RBFOX3: variants seen among roughly 807,000 people sequenced by gnomAD.
RBFOX3 encodes the protein RNA binding fox-1 homolog 3.
A neutral mutation model predicts 48.7 loss-of-function variants in RBFOX3; 17 were observed. The observed-to-expected ratio is 0.35, with a 90% CI of 0.24 to 0.52. RBFOX3 has a LOEUF of 0.52. RBFOX3 is among the 20% of genes least tolerant of loss of function. RBFOX3 has a pLI of 0.94. For synonymous variants in RBFOX3, 212 were observed against 209.5 expected, an observed-to-expected ratio of 1.01 and a Z score of -0.10; for missense variants, 382 against 497.5, an observed-to-expected ratio of 0.77 and a Z score of 2.21.
intron 4 of RBFOX3, among the ~76,000 whole-genome samples, chr17:79,143,454 C>T (rs377697478): frequency 3.2e-4 from 49 of 152,102 alleles, no homozygotes; most frequent in African/African-American, 1.2e-3. Flanking sequence ...CCCTCTTTTC[C>T]TCCACTCCCT....
chr17:79,287,632 C>T (rs936791168), intron 3 of RBFOX3, among the ~76,000 whole-genome samples: 3 of 152,182 alleles, frequency 2.0e-5, no homozygotes, highest in Non-Finnish European at 4.4e-5. Flanking sequence ...ACCAGGGCCC[C>T]TCCCCACCCT....
At chr17:79,226,728 T>C (rs973009824) in intron 4 of RBFOX3, among the ~76,000 whole-genome samples, 1 of 152,098 alleles carries the variant, frequency 6.6e-6, no homozygotes, top group Non-Finnish European at 1.5e-5. Flanking sequence ...CTTCCTGGGG[T>C]GACTATGGGG....
intron 1 of RBFOX3, among the ~76,000 whole-genome samples, chr17:79,509,856 A>G (rs2083841021): frequency 6.6e-6 from 1 of 152,062 alleles, no homozygotes; most frequent in Admixed American, 6.6e-5. Context: ...CCTGAGCCTC[A>G]GCTTCCCCAG....
intron 5 of RBFOX3, among the ~76,000 whole-genome samples, chr17:79,107,945 C>T (rs958296221): frequency 1.3e-5 from 2 of 152,242 alleles, no homozygotes; most frequent in Admixed American, 1.3e-4. Flanking sequence ...TCCACACTTC[C>T]TCCAACAATT....
At chr17:79,445,357 T>C (rs1178413248) in intron 2 of RBFOX3, among the ~76,000 whole-genome samples, 3 of 152,180 alleles carry the variant, frequency 2.0e-5, no homozygotes, top group African/African-American at 4.8e-5. Flanking sequence ...AATGAGTTTC[T>C]AAATGACAGC....
At chr17:79,571,497 G>T (rs1199102956) in intron 1 of RBFOX3, among the ~76,000 whole-genome samples, 1 of 151,892 alleles carries the variant, frequency 6.6e-6, no homozygotes. Context: ...TTTTTCATCT[G>T]CTTGGGTGTC....
At chr17:79,414,794 G>A (rs967526170) in intron 2 of RBFOX3, among the ~76,000 whole-genome samples, 1 of 152,206 alleles carries the variant, frequency 6.6e-6, no homozygotes, top group Non-Finnish European at 1.5e-5. Flanking sequence ...AACAGGCTCT[G>A]GTGAAAAGAT....
At chr17:79,623,863 G>A in the RBFOX3 span, among the ~76,000 whole-genome samples, 6 of 151,432 alleles carry the variant, frequency 4.0e-5, no homozygotes, top group South Asian at 2.1e-4. Context: ...CAAGAGAGTC[G>A]GTGTCAGAGA....
At chr17:79,512,181 G>A (rs2084397231) in intron 1 of RBFOX3, among the ~76,000 whole-genome samples, 1 of 141,286 alleles carries the variant, frequency 7.1e-6, no homozygotes, top group Non-Finnish European at 1.5e-5. Flanking sequence ...CCGGATACAT[G>A]TTACCATCGG....
chr17:79,328,974 G>A (rs1191020486), intron 2 of RBFOX3, among the ~76,000 whole-genome samples: 1 of 152,134 alleles, frequency 6.6e-6, no homozygotes, highest in Non-Finnish European at 1.5e-5. Context: ...TGAATCAGCA[G>A]GTGCCCCAGG....
At chr17:79,182,910 G>A (rs1485199893) in intron 4 of RBFOX3, among the ~76,000 whole-genome samples, 147 of 148,888 alleles carry the variant, frequency 9.9e-4, no homozygotes, top group Non-Finnish European at 1.9e-3. Flanking sequence ...CCAGCGGCCC[G>A]GCGCGAAGTT....
intron 2 of RBFOX3, among the ~76,000 whole-genome samples, chr17:79,346,879 G>A (rs2083014176): frequency 6.6e-6 from 1 of 152,168 alleles, no homozygotes; most frequent in Non-Finnish European, 1.5e-5. Context: ...TTTGCTGCTG[G>A]TATGTAGATA....
intron 1 of RBFOX3, among the ~76,000 whole-genome samples, chr17:79,608,578 A>G (rs1418807364): frequency 6.6e-6 from 1 of 152,060 alleles, no homozygotes; most frequent in Non-Finnish European, 1.5e-5. Context: ...CCCCTGCCGC[A>G]CGCACGCAGC....
At chr17:79,098,128 G>A (rs919836476) in intron 9 of RBFOX3, 1 of 207,120 alleles carries the variant, frequency 4.8e-6, no homozygotes, top group African/African-American at 2.3e-5. Context: ...GAGGGTTTCT[G>A]GAGTCAGACT....
At chr17:79,371,768 G>A (rs944520948) in intron 2 of RBFOX3, among the ~76,000 whole-genome samples, 1 of 152,186 alleles carries the variant, frequency 6.6e-6, no homozygotes, top group African/African-American at 2.4e-5. Context: ...CTGGGGCTTG[G>A]GGTCACCCTT....
chr17:79,101,303 C>T (rs771898160), intron 9 of RBFOX3, among the ~76,000 whole-genome samples: 7 of 152,220 alleles, frequency 4.6e-5, no homozygotes, highest in African/African-American at 7.2e-5. Context: ...GAAGCCTGCA[C>T]GTGTGGCCTC....
chr17:79,556,108 C>T lies in RBFOX3; in HGVS notation c.-320+54718G>A, dbSNP rs964757056. Among the ~76,000 whole-genome samples the T allele has an allele frequency of 4.6e-5, 7 of 152,272 alleles. No homozygotes were observed. The South Asian group carries it at 1.0e-3, about 23-fold the overall frequency. On this transcript the variant is annotated intron_variant, in intron 1 of 14. Coordinates refer to ENST00000693108, the MANE Select transcript of RBFOX3 (RefSeq NM_001350451.2). ...ATCCAGACGCAATTCCTCCACTTTA[C>T]AGACGGGGAAGCAAAGACCAGGATC...
chr17:79,218,619 G>A (rs1600073989), intron 4 of RBFOX3, among the ~76,000 whole-genome samples: 2 of 152,280 alleles, frequency 1.3e-5, no homozygotes, highest in East Asian at 3.9e-4. Context: ...CACCTCTGAA[G>A]GGGCTCCTAG....
At chr17:79,197,723 C>T (rs1049155905) in intron 4 of RBFOX3, among the ~76,000 whole-genome samples, 1 of 152,174 alleles carries the variant, frequency 6.6e-6, no homozygotes, top group Non-Finnish European at 1.5e-5. Context: ...TCTACAGACA[C>T]ATCGTCCACG....
Sources: allele counts gnomAD v4.1 joint callset (sites outside exome capture counted in the v4.1 genomes callset), GRCh38; gene constraint gnomAD v4.1.1; transcripts MANE v1.5; gene names NCBI Gene and HGNC (gene_info 2026-07-23, HGNC 2026-07-21).